The following ADGRL4 variants were observed in gnomAD, a reference collection of about 807,000 sequenced individuals.
ADGRL4 encodes the protein adhesion G protein-coupled receptor L4.
In ADGRL4, 90 loss-of-function variants were observed where a neutral mutation model predicts 74.8. The observed-to-expected ratio is 1.20, with a 90% confidence interval of 1.02 to 1.43. The LOEUF is 1.43. ADGRL4 is among the 40% of genes most tolerant of loss of function. ADGRL4 has a pLI of 0.00. For synonymous variants in ADGRL4, 311 were observed against 279.2 expected (o/e 1.11, Z -1.14); for missense variants, 881 against 814.3 (o/e 1.08, Z -1.00).
intron 2 of ADGRL4, among the ~76,000 whole-genome samples, chr1:78,970,941 C>T (rs34833648): frequency 0.19 from 28,704 of 152,120 alleles, 2,799 homozygotes; most frequent in Admixed American, 0.26. Context: ...TTTTACCAGT[C>T]GGGCTTTTGG....
intron 12 of ADGRL4, among the ~76,000 whole-genome samples, chr1:78,907,989 T>G (rs1392774784): frequency 6.6e-6 from 1 of 151,974 alleles, no homozygotes. Flanking sequence ...GAAACTAGAC[T>G]GCACAATGTT....
intron 3 of ADGRL4, among the ~76,000 whole-genome samples, chr1:78,942,146 C>A (rs1290506930): frequency 7.4e-6 from 1 of 134,926 alleles, no homozygotes; most frequent in African/African-American, 2.8e-5. Flanking sequence ...TGCACTCCAG[C>A]CTGGGTGACA....
At chr1:78,901,587 C>T (rs1312227744) in intron 12 of ADGRL4, among the ~76,000 whole-genome samples, 1 of 152,124 alleles carries the variant, frequency 6.6e-6, no homozygotes, top group African/African-American at 2.4e-5. Context: ...GAGCCAGCAC[C>T]TGTTAAACAC....
intron 8 of ADGRL4, among the ~76,000 whole-genome samples, chr1:78,922,719 T>A (rs1380293202): frequency 6.6e-6 from 1 of 152,036 alleles, no homozygotes; most frequent in Non-Finnish European, 1.5e-5. Context: ...ATAAATGCTA[T>A]ATTATGTTAA....
chr1:78,980,195 C>T (rs748913311), intron 2 of ADGRL4, among the ~76,000 whole-genome samples: 4 of 151,820 alleles, frequency 2.6e-5, no homozygotes, highest in African/African-American at 4.8e-5. Context: ...TACACACACA[C>T]ACCCACACAC....
chr1:78,949,658 G>C (rs534261922), intron 2 of ADGRL4, among the ~76,000 whole-genome samples: 2 of 152,176 alleles, frequency 1.3e-5, no homozygotes, highest in East Asian at 1.9e-4. Context: ...CAAGGAGAAA[G>C]TTTCTCTGGA....
chr1:78,895,429 A>T (rs1000598507), intron 12 of ADGRL4, among the ~76,000 whole-genome samples: 4 of 152,030 alleles, frequency 2.6e-5, no homozygotes, highest in Admixed American at 2.6e-4. Context: ...ATAATCATAC[A>T]ATCCTTATAA....
At chr1:78,940,350 A>G (rs1402743269) in intron 3 of ADGRL4, among the ~76,000 whole-genome samples, 1 of 152,158 alleles carries the variant, frequency 6.6e-6, no homozygotes, top group Non-Finnish European at 1.5e-5. Flanking sequence ...ATATTTTACT[A>G]TGGTTCTTCA....
intron 2 of ADGRL4, among the ~76,000 whole-genome samples, chr1:78,947,200 T>C (rs1649619374): frequency 1.3e-5 from 2 of 152,188 alleles, no homozygotes; most frequent in East Asian, 1.9e-4. Context: ...AAAAACATAG[T>C]TCAAGTCCTA....
intron 7 of ADGRL4, among the ~76,000 whole-genome samples, chr1:78,931,456 G>A (rs1649240082): frequency 6.6e-6 from 1 of 151,342 alleles, no homozygotes; most frequent in Non-Finnish European, 1.5e-5. Context: ...AGGAAAAACT[G>A]GTTCCAGACA....
chr1:78,966,848 A>C (rs2100713454), intron 2 of ADGRL4, among the ~76,000 whole-genome samples: 1 of 149,180 alleles, frequency 6.7e-6, no homozygotes, highest in South Asian at 2.1e-4. Flanking sequence ...CTTTTAAGCT[A>C]GTTTTTTTTT....
intron 12 of ADGRL4, among the ~76,000 whole-genome samples, chr1:78,896,442 T>G (rs576536080): frequency 4.6e-5 from 7 of 152,236 alleles, no homozygotes; most frequent in African/African-American, 1.2e-4. Flanking sequence ...ACTGCTGTTC[T>G]TCCTGCAAAT....
Position 78,946,384 on chromosome 1 carries a change from T to C in ADGRL4, c.215A>G (p.Asn72Ser). ...CGNLTQSCGE[N>S]ANCTNTEGSY... The stretch of plus-strand genomic sequence containing the variant: ...TCCTTCTGTGTTAGTGCAATTAGCA[T>C]TTTCGCCACAGGACTGAGTTAAATT... Residue 72 changes from asparagine (N) to serine (S), a missense_variant, in exon 3 of 15, where the codon AAT becomes AGT. Transcript: ENST00000370742. 1.2e-6 allele frequency: 2 copies of C among 1,612,966 alleles called. No individual in the cohort carries two copies. The highest frequency in any genetic ancestry group is 2.2e-5 in the South Asian group (2 of 90,936).
Position 78,937,940 on chromosome 1 carries a change from A to T in ADGRL4, c.627T>A (p.Val209=). 1 of 1,613,894 alleles carries T rather than the reference A, an allele frequency of 6.2e-7. No individual in the cohort carries two copies. Among genetic ancestry groups the T allele is most frequent in the Non-Finnish European group, 8.5e-7 (1 of 1,179,932 alleles). The change falls in exon 6 of 15, where the codon GTT becomes GTA. Residue 209 remains valine (V), a synonymous_variant. Coordinates refer to ENST00000370742, the MANE Select transcript of ADGRL4 (RefSeq NM_022159.4). ...NNFVQRDTFV[V]WDKLSVNHRR... Reference sequence around the variant, plus strand: ...TATGATTCACAGATAACTTGTCCCAAACTACAAATGTATCCCTTTGAACAA... The same window carrying T: ...TATGATTCACAGATAACTTGTCCCATACTACAAATGTATCCCTTTGAACAA...
chr1:78,927,828 A>G (rs576183399), intron 7 of ADGRL4, among the ~76,000 whole-genome samples: 2 of 152,320 alleles, frequency 1.3e-5, no homozygotes, highest in South Asian at 2.1e-4. Context: ...AGAAGTTGCC[A>G]AAGTGTATTG....
At chr1:78,928,879 A>C (rs1439346259) in intron 7 of ADGRL4, among the ~76,000 whole-genome samples, 2 of 151,492 alleles carry the variant, frequency 1.3e-5, no homozygotes, top group Non-Finnish European at 2.9e-5. Context: ...CTGGGGTGAC[A>C]GGAGTTATGA....
chr1:79,002,624 G>C (rs570041715), intron 2 of ADGRL4, among the ~76,000 whole-genome samples: 3 of 152,038 alleles, frequency 2.0e-5, no homozygotes, highest in African/African-American at 4.8e-5. Flanking sequence ...AACTGAATTA[G>C]GAAGGGTCAA....
intron 14 of ADGRL4, 150 bp downstream of exon 14, chr1:78,891,374 C>G: frequency 8.3e-7 from 1 of 1,203,936 alleles, no homozygotes; most frequent in Non-Finnish European, 1.1e-6. Flanking sequence ...TACCAAGGTT[C>G]TTTTAAAAGC....
chr1:78,940,049 G>A (rs1031265997), intron 3 of ADGRL4, among the ~76,000 whole-genome samples: 4 of 152,002 alleles, frequency 2.6e-5, no homozygotes, highest in South Asian at 2.1e-4. Flanking sequence ...TCTGAATTGC[G>A]TGATTAATCA....
Sources: allele counts gnomAD v4.1 joint callset (sites outside exome capture counted in the v4.1 genomes callset), GRCh38; gene constraint gnomAD v4.1.1; transcripts MANE v1.5; gene names NCBI Gene and HGNC (gene_info 2026-07-23, HGNC 2026-07-21).